SNAP47: variants seen among roughly 807,000 people sequenced by gnomAD.
SNAP47 encodes synaptosomal-associated protein 47.
Under a neutral mutation model 31.4 loss-of-function variants are expected in SNAP47, and 20 were observed. That is an observed-to-expected ratio of 0.64 (90% CI 0.45 to 0.93). SNAP47 has a LOEUF of 0.93. Among genes scored for constraint, SNAP47 ranks in the 40% least tolerant of loss-of-function variants. The pLI is 0.00. For missense variants in SNAP47, 492 were observed against 528.5 expected (o/e 0.93, Z 0.68); for synonymous variants, 194 against 213.4 (o/e 0.91, Z 0.79).
At chr1:227,767,535 A>G (rs375895940) in intron 4 of SNAP47, among the ~76,000 whole-genome samples, 26 of 149,096 alleles carry the variant, frequency 1.7e-4, no homozygotes, top group African/African-American at 5.4e-4. Context: ...ATGTGTGTGT[A>G]CTTGTGAGTA....
chr1:227,735,374 T>G, upstream of SNAP47: 1 of 1,589,966 alleles, frequency 6.3e-7, no homozygotes, highest in Non-Finnish European at 8.5e-7. Flanking sequence ...GCCGCGTTTC[T>G]GCCCCGCCAG....
chr1:227,765,164 T>G (rs1406213530), intron 3 of SNAP47, among the ~76,000 whole-genome samples: 1 of 152,114 alleles, frequency 6.6e-6, no homozygotes, highest in African/African-American at 2.4e-5. Context: ...CACCAGCACA[T>G]AGCAGGCTTA....
At chr1:227,737,149 A>G (rs1661268761) in intron 1 of SNAP47, among the ~76,000 whole-genome samples, 1 of 151,992 alleles carries the variant, frequency 6.6e-6, no homozygotes, top group East Asian at 1.9e-4. Flanking sequence ...GCCATGGGGG[A>G]CCCTATGTGA....
chr1:227,735,561 G>C, intron 1 of SNAP47, 62 bp downstream of exon 1: 1 of 1,348,888 alleles, frequency 7.4e-7, no homozygotes, highest in Non-Finnish European at 9.5e-7. Context: ...GTCCGCCCTC[G>C]GCTCAGTCCG....
At chr1:227,739,515 C>T (rs574255126) in intron 1 of SNAP47, among the ~76,000 whole-genome samples, 1 of 152,278 alleles carries the variant, frequency 6.6e-6, no homozygotes, top group Admixed American at 6.5e-5. Flanking sequence ...GAAAGATTGG[C>T]CGCACCCTAC....
chr1:227,735,029 T>C (rs765269210), upstream of SNAP47: 6 of 1,550,874 alleles, frequency 3.9e-6, no homozygotes, highest in Admixed American at 9.6e-5. Flanking sequence ...CCGTAGCAGG[T>C]GGTCGAAGTC....
intron 4 of SNAP47, among the ~76,000 whole-genome samples, chr1:227,771,877 A>G (rs934417135): frequency 6.6e-6 from 1 of 152,178 alleles, no homozygotes; most frequent in Non-Finnish European, 1.5e-5. Flanking sequence ...CCACCTGGGA[A>G]ACTACCGGTG....
chr1:227,773,893 G>A lies in SNAP47; in HGVS notation c.1114-6634G>A, dbSNP rs1010234489. The stretch of plus-strand genomic sequence containing the variant: ...CCTCAGGATGCATCCACATCATTAG[G>A]CAGCACATGACTATTTTAGTATATC... On this transcript the variant is annotated intron_variant, in intron 4 of 4. Transcript: ENST00000617596. 9.2e-5 allele frequency among the ~76,000 whole-genome samples: 14 copies of A among 152,366 alleles called. No individual in the cohort carries two copies. The South Asian group carries it at 1.2e-3, about 14-fold the overall frequency.
chr1:227,733,656 G>A (rs761894520), upstream of SNAP47: 31 of 1,602,456 alleles, frequency 1.9e-5, no homozygotes, highest in African/African-American at 2.7e-5. Flanking sequence ...CTGAAGGAGC[G>A]GAAGATGTCA....
At position 227,774,794 on chromosome 1, in the gene SNAP47, G is replaced by A. The variant is rs534715709; in HGVS notation, c.1114-5733G>A. 2.0e-5 allele frequency among the ~76,000 whole-genome samples: 3 copies of A among 152,362 alleles called. No individual in the cohort carries two copies. In the East Asian group the frequency reaches 5.8e-4, roughly 29 times the overall value. On this transcript the variant is annotated intron_variant, in intron 4 of 4. Coordinates refer to ENST00000617596, the MANE Select transcript of SNAP47 (RefSeq NM_053052.4). ...CTTCCACGTGTGCGATGCACCTTCA[G>A]TGGCACTCAGTTCACATTCACTGAA...
chr1:227,756,930 G>A (rs1268416276), intron 2 of SNAP47, among the ~76,000 whole-genome samples: 1 of 152,260 alleles, frequency 6.6e-6, no homozygotes, highest in East Asian at 1.9e-4. Context: ...CTGCCAGGGA[G>A]CCCAAGAGGC....
chr1:227,751,743 G>GTTTTTT, intron 2 of SNAP47, among the ~76,000 whole-genome samples: 1 of 110,528 alleles, frequency 9.0e-6, no homozygotes, highest in Non-Finnish European at 1.9e-5. Context: ...ATAAAGACTT[G>GTTTTTT]GTTTTTTTTT....
chr1:227,780,796 T>C lies in SNAP47; in HGVS notation c.*123T>C, dbSNP rs918700202. The C allele has an allele frequency of 2.2e-6, 3 of 1,378,198 alleles. No homozygotes were observed. Among genetic ancestry groups the C allele is most frequent in the Admixed American group, 2.2e-5 (1 of 45,472 alleles). The allele number at this position is 1,378,198 out of a possible 1,614,324, so 85.4% of individuals were successfully genotyped here. A position where few individuals can be genotyped will look rare whatever the true frequency, so the allele number is the denominator to read the frequency against. On this transcript the variant is annotated 3_prime_UTR_variant, in exon 5 of 5. Coordinates refer to ENST00000617596, the MANE Select transcript of SNAP47 (RefSeq NM_053052.4). ...GGAGTGGTCTTCCTCTGGATGGGGC[T>C]GCTACTGTGGGGCTGCTTCTGCACC...
At chr1:227,770,524 T>C (rs41305134) in intron 4 of SNAP47, 14,778 of 154,884 alleles carry the variant, frequency 0.095, 784 homozygotes, top group Middle Eastern at 0.16. Flanking sequence ...ATGAAACTAT[T>C]TTCAGAAGGT....
chr1:227,779,648 C>G (rs993153900), intron 4 of SNAP47, among the ~76,000 whole-genome samples: 4 of 152,192 alleles, frequency 2.6e-5, no homozygotes, highest in African/African-American at 9.7e-5. Context: ...GTATTCTTCT[C>G]CATTGTCAGG....
upstream of SNAP47, chr1:227,735,027 G>A (rs1285253133): frequency 2.6e-6 from 4 of 1,552,174 alleles, no homozygotes; most frequent in East Asian, 7.0e-5. Context: ...GTCCGTAGCA[G>A]GTGGTCGAAG....
At chr1:227,732,423 C>G (rs767551193), upstream of SNAP47, 1 of 1,613,116 alleles carries the variant, frequency 6.2e-7, no homozygotes, top group Non-Finnish European at 8.5e-7. Context: ...AACAGCCTCT[C>G]TCAGCTGCTG....
At chr1:227,761,963 G>A (rs1160471388) in intron 3 of SNAP47, among the ~76,000 whole-genome samples, 1 of 152,182 alleles carries the variant, frequency 6.6e-6, no homozygotes, top group Admixed American at 6.5e-5. Context: ...CGTGCATTCA[G>A]GATTCAGGAC....
intron 2 of SNAP47, among the ~76,000 whole-genome samples, chr1:227,752,437 C>T (rs1662438717): frequency 6.6e-6 from 1 of 150,810 alleles, no homozygotes; most frequent in South Asian, 2.1e-4. Flanking sequence ...CTGCCCTTCT[C>T]TCTGTTTCTG....
Sources: allele counts gnomAD v4.1 joint callset (sites outside exome capture counted in the v4.1 genomes callset), GRCh38; gene constraint gnomAD v4.1.1; transcripts MANE v1.5; gene names NCBI Gene and HGNC (gene_info 2026-07-23, HGNC 2026-07-21).